Variants in CA10 observed in about 807,000 individuals in gnomAD.
The protein encoded by CA10 is carbonic anhydrase-related protein 10.
Under a neutral mutation model 44.2 loss-of-function variants are expected in CA10, and 14 were observed. The ratio of observed to expected loss-of-function variants is 0.32; its 90% CI spans 0.21 to 0.50. The LOEUF is 0.50. Ranked by LOEUF, CA10 falls within the 20% of genes least tolerant of loss-of-function variation. The pLI is 0.99. For synonymous variants in CA10, 159 were observed against 141.6 expected, an observed-to-expected ratio of 1.12 and a Z score of -0.87; for missense variants, 350 against 409.7, an observed-to-expected ratio of 0.85 and a Z score of 1.26.
chr17:51,834,880 T>C (rs2143792849), intron 3 of CA10, among the ~76,000 whole-genome samples: 1 of 152,296 alleles, frequency 6.6e-6, no homozygotes, highest in African/African-American at 2.4e-5. Context: ...AAAAGCAGAC[T>C]TTATTGGGCA....
At chr17:51,674,262 T>A (rs1914536752) in intron 4 of CA10, among the ~76,000 whole-genome samples, 1 of 152,200 alleles carries the variant, frequency 6.6e-6, no homozygotes, top group South Asian at 2.1e-4. Flanking sequence ...TATAGATGAT[T>A]TTTCTGAATT....
intron 2 of CA10, among the ~76,000 whole-genome samples, chr17:51,976,359 G>T (rs958561506): frequency 1.3e-5 from 2 of 152,112 alleles, no homozygotes; most frequent in African/African-American, 2.4e-5. Flanking sequence ...TTTCAAGATA[G>T]ATCATCTACT....
At chr17:51,799,200 A>T (rs149459378) in intron 3 of CA10, among the ~76,000 whole-genome samples, 65 of 152,348 alleles carry the variant, frequency 4.3e-4, no homozygotes, top group Middle Eastern at 3.4e-3. Context: ...TTTTATCCTC[A>T]GTATTTAAGA....
intron 4 of CA10, among the ~76,000 whole-genome samples, chr17:51,735,316 C>T (rs916654058): frequency 1.1e-4 from 17 of 152,152 alleles, no homozygotes; most frequent in African/African-American, 3.4e-4. Flanking sequence ...ACTGCCTGTT[C>T]TCACTCATAA....
Position 52,111,641 on chromosome 17 carries a change from C to T in CA10, c.62-39248G>A, listed in dbSNP as rs565966234. ...TACCATTAGGACAAATCCCCAGGCA[C>T]TCAGGGATAGAAAGAGAGAGCTGGG... On this transcript the variant is annotated intron_variant, in intron 1 of 8. Coordinates refer to ENST00000451037, the MANE Select transcript of CA10 (RefSeq NM_020178.5). 2.6e-4 allele frequency among the ~76,000 whole-genome samples: 39 copies of T among 152,250 alleles called. No homozygotes were observed. In the East Asian group the frequency reaches 6.8e-3, roughly 26 times the overall value.
chr17:51,994,922 C>G (rs1985176501), intron 2 of CA10, among the ~76,000 whole-genome samples: 1 of 151,876 alleles, frequency 6.6e-6, no homozygotes, highest in African/African-American at 2.4e-5. Context: ...GGCCAGAAAC[C>G]CTTTTCTAAA....
At chr17:52,015,768 G>T (rs1424855506) in intron 2 of CA10, among the ~76,000 whole-genome samples, 4 of 152,090 alleles carry the variant, frequency 2.6e-5, no homozygotes, top group Admixed American at 1.3e-4. Flanking sequence ...TGAAGCCTAA[G>T]GTCTGAAACC....
chr17:51,887,844 A>T lies in CA10; in HGVS notation c.279+43146T>A, dbSNP rs888924164. On this transcript the variant is annotated intron_variant, in intron 3 of 8. Coordinates refer to ENST00000451037, the MANE Select transcript of CA10 (RefSeq NM_020178.5). ...TAAACCCCTTCTCTACTAAAAATAC[A>T]AAAAAAAAAAGAAAAAAAAAAAAGA... Among the ~76,000 whole-genome samples, 1,018 of 110,602 alleles carry T rather than the reference A, an allele frequency of 9.2e-3. 10 individuals are homozygous for T. Among genetic ancestry groups the T allele is most frequent in the Middle Eastern group, 0.045 (11 of 242 alleles). The allele number at this position is 110,602 out of a possible 152,430, so 72.6% of individuals were successfully genotyped here.
chr17:51,675,387 C>G (rs568586543), intron 4 of CA10, among the ~76,000 whole-genome samples: 2 of 152,036 alleles, frequency 1.3e-5, no homozygotes, highest in South Asian at 4.2e-4. Flanking sequence ...TGGCAAAACC[C>G]CATCTCTACT....
chr17:52,142,000 C>T (rs139546608), intron 1 of CA10, among the ~76,000 whole-genome samples: 1 of 152,318 alleles, frequency 6.6e-6, no homozygotes, highest in East Asian at 1.9e-4. Flanking sequence ...GGAGATACTG[C>T]TGCTGGCTGG....
At position 51,747,646 on chromosome 17, in the gene CA10, G is replaced by C. The variant is rs375228295; in HGVS notation, c.452C>G (p.Ala151Gly). Residue 151 changes from alanine to glycine, a missense_variant, in exon 4 of 9, where the codon GCC (alanine) becomes GGC (glycine). By Grantham distance (60) the Ala-to-Gly change is moderately conservative. Transcript: ENST00000451037. The part of the protein sequence containing the change: ...QGSEHLLNGQ[A>G]FSGEVQLIHY... The stretch of plus-strand genomic sequence containing the variant: ...AGACTAACATACCTCCCCAGAGAAG[G>C]CCTGTCCATTGAGGAGGTGCTCCGA... 3 of 1,612,344 alleles carry C rather than the reference G, an allele frequency of 1.9e-6. No individual in the cohort carries two copies. The highest frequency in any genetic ancestry group is 2.7e-5 in the African/African-American group (2 of 74,874).
intron 4 of CA10, among the ~76,000 whole-genome samples, chr17:51,733,982 G>A (rs141167351): frequency 0.01 from 1,539 of 152,234 alleles, 16 homozygotes; most frequent in Non-Finnish European, 0.015. Context: ...GAGGTGTGAT[G>A]GGGTTTGTGT....
chr17:51,811,722 T>G (rs1449840548), intron 3 of CA10, among the ~76,000 whole-genome samples: 2 of 152,228 alleles, frequency 1.3e-5, no homozygotes, highest in East Asian at 3.9e-4. Flanking sequence ...TCTTTGCTAT[T>G]GTGAATAGTG....
intron 3 of CA10, among the ~76,000 whole-genome samples, chr17:51,922,569 C>T (rs1042994890): frequency 2.0e-5 from 3 of 152,304 alleles, no homozygotes; most frequent in South Asian, 2.1e-4. Context: ...TGCATCTCTA[C>T]ATGCCATTTA....
In CA10 at chr17:51,669,065, C is replaced by T. The variant is rs547151146; in HGVS notation, c.466-15329G>A. On this transcript the variant is annotated intron_variant, in intron 4 of 8. Coordinates refer to ENST00000451037, the MANE Select transcript of CA10 (RefSeq NM_020178.5). ...GCCCAAGACCCTGCAACCTCATCCCCGCCGTGGGCTCCCGCATGGCCTTGT... is the reference window on the plus strand; with the variant it reads ...GCCCAAGACCCTGCAACCTCATCCCTGCCGTGGGCTCCCGCATGGCCTTGT... Among the ~76,000 whole-genome samples, 15 of 152,302 alleles carry T rather than the reference C, an allele frequency of 9.8e-5. No homozygotes were observed. The South Asian group carries it at 2.3e-3, about 23-fold the overall frequency.
At chr17:51,987,387 A>AG (rs1477618650) in intron 2 of CA10, among the ~76,000 whole-genome samples, 2 of 151,920 alleles carry the variant, frequency 1.3e-5, no homozygotes, top group Admixed American at 6.6e-5. Context: ...AAGGGTGGGA[A>AG]GGGGGCGAGG....
At chr17:52,104,400 C>T (rs978231398) in intron 1 of CA10, among the ~76,000 whole-genome samples, 5 of 152,212 alleles carry the variant, frequency 3.3e-5, no homozygotes, top group South Asian at 2.1e-4. Context: ...GACTGGCTTT[C>T]GTCATGTTGC....
intron 1 of CA10, among the ~76,000 whole-genome samples, chr17:52,145,908 T>A (rs1419927544): frequency 2.0e-5 from 3 of 152,086 alleles, no homozygotes; most frequent in South Asian, 2.1e-4. Context: ...TTAAAAAAAA[T>A]TCGATAAATA....
chr17:51,707,671 A>ATGTATGTGTGTGTGTG (rs1555587853), intron 4 of CA10, among the ~76,000 whole-genome samples: 10 of 143,006 alleles, frequency 7.0e-5, no homozygotes, highest in African/African-American at 2.6e-4. Context: ...GTGGATGAAT[A>ATGTATGTGTGTGTGTG]TGTGTGTGTG....
Sources: gnomAD v4.1 joint callset for allele counts (sites outside exome capture counted in the v4.1 genomes callset) on GRCh38, gnomAD v4.1.1 for gene constraint, MANE v1.5 for transcripts, NCBI Gene and HGNC (gene_info 2026-07-23, HGNC 2026-07-21) for gene names.